Variants in PALM observed in about 807,000 individuals in gnomAD.
PALM encodes the protein paralemmin-1.
PALM carries 18 observed loss-of-function variants against 30.7 expected under a neutral mutation model. The observed-to-expected ratio is 0.59, with a 90% CI of 0.41 to 0.87. The LOEUF is 0.87. Among genes scored for constraint, PALM ranks in the 40% least tolerant of loss-of-function variants. The pLI, the probability that PALM is intolerant of heterozygous loss-of-function variation, is 0.00. For missense variants in PALM, 529 were observed against 555.4 expected (o/e 0.95, Z 0.48); for synonymous variants, 286 against 242.8 (o/e 1.18, Z -1.66).
chr19:717,597 C>T (rs1353566142), intron 1 of PALM, among the ~76,000 whole-genome samples: 1 of 152,174 alleles, frequency 6.6e-6, no homozygotes, highest in Non-Finnish European at 1.5e-5. Flanking sequence ...TAGTTACCCC[C>T]CGAGATGGTT....
chr19:734,127 C>T, intron 5 of PALM, 46 bp from the exon 6 acceptor site: 1 of 1,608,850 alleles, frequency 6.2e-7, no homozygotes, highest in Non-Finnish European at 8.5e-7. Context: ...CCTTCCTCTT[C>T]CCGGGGATGC....
chr19:714,522 C>G (rs993563525), intron 1 of PALM, among the ~76,000 whole-genome samples: 1 of 150,142 alleles, frequency 6.7e-6, no homozygotes, highest in African/African-American at 2.5e-5. Context: ...CCACGCCCGG[C>G]TAATTTTTTG....
At chr19:740,536 A>C in intron 8 of PALM, 53 bp downstream of exon 8, 1 of 1,494,252 alleles carries the variant, frequency 6.7e-7, no homozygotes, top group Non-Finnish European at 9.0e-7. Context: ...AGCCCCGAAC[A>C]CGTGTGCTCC....
intron 1 of PALM, among the ~76,000 whole-genome samples, 160 bp from the exon 2 acceptor site, chr19:725,978 C>A (rs1377883403): frequency 6.6e-6 from 1 of 152,170 alleles, no homozygotes; most frequent in African/African-American, 2.4e-5. Flanking sequence ...GCTGAGGGGG[C>A]AGGGAGGGCC....
chr19:715,391 A>G (rs2032225204), intron 1 of PALM, among the ~76,000 whole-genome samples: 1 of 152,128 alleles, frequency 6.6e-6, no homozygotes, highest in African/African-American at 2.4e-5. Context: ...CCTCCTCACC[A>G]TCCTCGTGCT....
At chr19:713,728 G>A (rs1331845684) in intron 1 of PALM, among the ~76,000 whole-genome samples, 1 of 151,726 alleles carries the variant, frequency 6.6e-6, no homozygotes, top group Non-Finnish European at 1.5e-5. Flanking sequence ...ACAGGCATGC[G>A]CCACTGCGCC....
At chr19:716,833 T>C (rs758404101) in intron 1 of PALM, among the ~76,000 whole-genome samples, 3 of 152,138 alleles carry the variant, frequency 2.0e-5, no homozygotes, top group Non-Finnish European at 4.4e-5. Context: ...CGTCTGTATG[T>C]ATATCATTCT....
At chr19:726,551 A>G (rs905844020) in intron 2 of PALM, among the ~76,000 whole-genome samples, 4 of 151,130 alleles carry the variant, frequency 2.6e-5, no homozygotes, top group African/African-American at 9.7e-5. Context: ...GTGTCCGCAG[A>G]CCCCTCTCTG....
chr19:720,949 C>T (rs982290528), intron 1 of PALM, among the ~76,000 whole-genome samples: 1 of 152,198 alleles, frequency 6.6e-6, no homozygotes, highest in African/African-American at 2.4e-5. Context: ...TCCGGGGTGG[C>T]CCCGAGCCCA....
rs562928114 is a variant in PALM at position 736,237 on chromosome 19, C to T, written c.502+159C>T. ...GGTGGCAGCTGGACCGAGGCCGAGG[C>T]TCCGAGCCTGGGGTGGGGGCCCCCT... On this transcript the variant is annotated intron_variant, in intron 7 of 8. Transcript: ENST00000338448. 2.2e-4 allele frequency: 124 copies of T among 559,332 alleles called. 1 individual carries two copies. The East Asian group carries it at 3.9e-3, about 18-fold the overall frequency. The allele number at this position is 559,332 out of a possible 1,614,324, so 34.6% of individuals were successfully genotyped here.
At chr19:715,819 C>T (rs1396469644) in intron 1 of PALM, among the ~76,000 whole-genome samples, 1 of 152,166 alleles carries the variant, frequency 6.6e-6, no homozygotes, top group African/African-American at 2.4e-5. Flanking sequence ...GACCCCACGT[C>T]TAGGAGGGCA....
At chr19:736,490 G>GC (rs2033028606) in intron 7 of PALM, among the ~76,000 whole-genome samples, 1 of 152,194 alleles carries the variant, frequency 6.6e-6, no homozygotes, top group Non-Finnish European at 1.5e-5. Flanking sequence ...GAAAGTGGGT[G>GC]CCCCGTCCCT....
At chr19:744,399 CAAA>C (rs59707820) in intron 8 of PALM, among the ~76,000 whole-genome samples, 1 of 126,662 alleles carries the variant, frequency 7.9e-6, no homozygotes, top group Non-Finnish European at 1.6e-5. Flanking sequence ...GACTCCATCT[CAAA>C]AAAAAAAAAA....
chr19:719,052 A>C, intron 1 of PALM: 8 of 734,720 alleles, frequency 1.1e-5, no homozygotes, highest in Non-Finnish European at 1.3e-5. Context: ...CACAATGGCC[A>C]AGGTCACCGT....
intron 3 of PALM, 131 bp downstream of exon 3, chr19:727,219 T>TGACCCCGACCCTGACCCC: frequency 3.1e-6 from 2 of 642,958 alleles, no homozygotes; most frequent in Non-Finnish European, 5.4e-6. Context: ...GCCCTGACCC[T>TGACCCCGACCCTGACCCC]GACCCCGACC....
chr19:725,775 T>G (rs561744512), intron 1 of PALM, among the ~76,000 whole-genome samples: 51 of 152,182 alleles, frequency 3.4e-4, no homozygotes, highest in African/African-American at 1.1e-3. Context: ...CAGAGAGGAC[T>G]GTCCTGATCT....
intron 1 of PALM, among the ~76,000 whole-genome samples, chr19:715,010 T>A (rs1022979842): frequency 2.6e-5 from 4 of 152,148 alleles, no homozygotes; most frequent in Non-Finnish European, 5.9e-5. Flanking sequence ...ATGCCTGTAA[T>A]CCCAGTTCTT....
At chr19:712,453 G>A (rs1265117700) in intron 1 of PALM, among the ~76,000 whole-genome samples, 2 of 148,300 alleles carry the variant, frequency 1.3e-5, no homozygotes, top group African/African-American at 2.5e-5. Flanking sequence ...GTGTGATCCC[G>A]GCTCACTGCA....
intron 1 of PALM, among the ~76,000 whole-genome samples, chr19:721,358 C>T (rs908284401): frequency 7.2e-5 from 11 of 152,168 alleles, no homozygotes; most frequent in South Asian, 4.2e-4. Context: ...CTCCACCTCC[C>T]GGGTTCAAGT....
Sources: gnomAD v4.1 joint callset for allele counts (sites outside exome capture counted in the v4.1 genomes callset) on GRCh38, gnomAD v4.1.1 for gene constraint, MANE v1.5 for transcripts, NCBI Gene and HGNC (gene_info 2026-07-23, HGNC 2026-07-21) for gene names.